Variants in GTPBP4 observed in about 807,000 individuals in gnomAD.
GTPBP4 encodes GTP binding protein 4, also known as GTP-binding protein 4.
In GTPBP4, 15 loss-of-function variants were observed where a neutral mutation model predicts 81.7. That is an observed-to-expected ratio of 0.18 (90% CI 0.12 to 0.28). GTPBP4 has a LOEUF of 0.28. GTPBP4 is among the 10% of genes least tolerant of loss of function. The probability of loss-of-function intolerance (pLI) is 1.00; values close to 1 mark genes in which losing one functional copy is unlikely to be tolerated. For synonymous variants in GTPBP4, 272 were observed against 274.6 expected (o/e 0.99, Z 0.09); for missense variants, 847 against 793.8 (o/e 1.07, Z -0.81).
chr10:996,370 T>C, intron 4 of GTPBP4, 128 bp downstream of exon 4: 2 of 700,554 alleles, frequency 2.9e-6, no homozygotes, highest in South Asian at 5.1e-5. Context: ...TTCCTAGCTT[T>C]ACCTATGAGA....
Position 1,000,717 on chromosome 10 carries a change from A to G in GTPBP4, c.695A>G (p.Asp232Gly). ...GGGATCCTGGACCACCCTCTGGAGG[A>G]TAGGAACACCATCGAGATGCAGGCC... Reference protein sequence around the residue: ...TPGILDHPLEDRNTIEMQAIT... With the variant: ...TPGILDHPLEGRNTIEMQAIT... Residue 232 changes from aspartate to glycine, a missense_variant, in exon 7 of 17, where the codon GAT (aspartate) becomes GGT (glycine). Coordinates refer to ENST00000360803, the MANE Select transcript of GTPBP4 (RefSeq NM_012341.3). 2 of 1,569,054 alleles carry G rather than the reference A, an allele frequency of 1.3e-6. No homozygotes were observed. The highest frequency in any genetic ancestry group is 1.9e-5 in the Admixed American group (1 of 53,800).
At chr10:1,015,222 A>G (rs1831953923) in intron 15 of GTPBP4, among the ~76,000 whole-genome samples, 1 of 152,258 alleles carries the variant, frequency 6.6e-6, no homozygotes, top group Admixed American at 6.5e-5. Context: ...AATTGTTACT[A>G]ATGTGAACTT....
At chr10:991,392 C>T (rs918907229) in intron 1 of GTPBP4, among the ~76,000 whole-genome samples, 3 of 152,192 alleles carry the variant, frequency 2.0e-5, no homozygotes, top group East Asian at 1.9e-4. Flanking sequence ...TCCTGGGGAT[C>T]GGATCCTTAT....
intron 2 of GTPBP4, 133 bp downstream of exon 2, chr10:992,792 G>A: frequency 1.7e-6 from 1 of 586,424 alleles, no homozygotes; most frequent in Non-Finnish European, 3.0e-6. Flanking sequence ...GTAAGTTAGT[G>A]GCAAAGAACT....
chr10:1,012,097 G>A (rs1270644385), intron 13 of GTPBP4, among the ~76,000 whole-genome samples: 1 of 152,224 alleles, frequency 6.6e-6, no homozygotes, highest in African/African-American at 2.4e-5. Context: ...GAACGGACAC[G>A]TGGGATGTGG....
At chr10:993,060 G>T (rs779573584) in intron 2 of GTPBP4, among the ~76,000 whole-genome samples, 1 of 151,872 alleles carries the variant, frequency 6.6e-6, no homozygotes, top group South Asian at 2.1e-4. Flanking sequence ...TTTCCTCTGG[G>T]CTCAGCTTGG....
At chr10:1,010,631 C>T (rs1221564838) in intron 13 of GTPBP4, 111 bp downstream of exon 13, 25 of 726,646 alleles carry the variant, frequency 3.4e-5, no homozygotes, top group African/African-American at 1.1e-4. Context: ...TCATTCTGCA[C>T]CCCTCCATCC....
chr10:1,009,501 C>G, intron 11 of GTPBP4, 28 bp from the exon 12 acceptor site: 2 of 1,521,758 alleles, frequency 1.3e-6, no homozygotes, highest in Non-Finnish European at 1.8e-6. Context: ...CAAAATGAAG[C>G]TGATGATAAT....
chr10:995,547 G>T (rs7900801), intron 2 of GTPBP4, among the ~76,000 whole-genome samples: 75,970 of 151,812 alleles, frequency 0.5, 19,321 homozygotes, highest in South Asian at 0.6. Flanking sequence ...GGGAATTTTT[G>T]ATTTTTTTTC....
Position 1,019,229 on chromosome 10 carries a change from T to A in GTPBP4, c.*2002T>A. ...GACTCTCAAGATCTCCCCAAGACTT[T>A]CAGGATCAGCTGCTGTTAATCAAAC... On this transcript the variant is annotated 3_prime_UTR_variant, in exon 17 of 17. Coordinates refer to ENST00000360803, the MANE Select transcript of GTPBP4 (RefSeq NM_012341.3). The A allele has an allele frequency of 3.1e-6, 1 of 324,846 alleles. No individual in the cohort carries two copies. Among genetic ancestry groups the A allele is most frequent in the Non-Finnish European group, 5.8e-6 (1 of 172,652 alleles). The allele number at this position is 324,846 out of a possible 1,614,324, so 20.1% of individuals were successfully genotyped here. A position where few individuals can be genotyped will look rare whatever the true frequency, so the allele number is the denominator to read the frequency against.
At chr10:1,007,780 G>A (rs564989131) in intron 10 of GTPBP4, 13 of 429,762 alleles carry the variant, frequency 3.0e-5, no homozygotes, top group Admixed American at 8.7e-5. Context: ...TGTCCTCGGC[G>A]TGGTCGGGCA....
Position 1,012,565 on chromosome 10 carries a change from A to T in GTPBP4, c.1445A>T (p.Gln482Leu), listed in dbSNP as rs757062874. ...GACGAAGAGATGCTGGAAATCCGAC[A>T]GCTGGCAAAGCAAATTCGAGAGAAA... ...SEDEEMLEIR[Q>L]LAKQIREKKK... The change falls in exon 14 of 17, where the codon CAG becomes CTG. Residue 482 changes from glutamine to leucine, a missense_variant. Coordinates refer to ENST00000360803, the MANE Select transcript of GTPBP4 (RefSeq NM_012341.3). 10 of 1,613,748 alleles carry T rather than the reference A, an allele frequency of 6.2e-6. No individual in the cohort carries two copies. The highest frequency in any genetic ancestry group is 8.5e-6 in the Non-Finnish European group (10 of 1,179,718).
At position 988,446 on chromosome 10, in the gene GTPBP4, A is replaced by G. The variant is rs1564463841; in HGVS notation, c.-34A>G. On this transcript the variant is annotated 5_prime_UTR_variant, in exon 1 of 17. Transcript: ENST00000360803. ...TGCGCCCGACGGCGGAAGTTCCGGG[A>G]GTGCCAAGTACCCGCGTGCATACGG... 1.3e-6 allele frequency: 2 copies of G among 1,599,266 alleles called. No individual in the cohort carries two copies. The highest frequency in any genetic ancestry group is 1.7e-6 in the Non-Finnish European group (2 of 1,167,264).
Position 1,007,009 on chromosome 10 carries a change from C to T in GTPBP4, c.1003-9C>T, listed in dbSNP as rs763125185. ...GTTTGTGACTGTGCCTTCTTTTTTA[C>T]GTTATTAGGCTTGCGATAGGCTTTT... On this transcript the variant is annotated splice_polypyrimidine_tract_variant and intron_variant, in intron 9 of 16. Coordinates refer to ENST00000360803, the MANE Select transcript of GTPBP4 (RefSeq NM_012341.3). 19 of 1,571,246 alleles carry T rather than the reference C, an allele frequency of 1.2e-5. No individual in the cohort carries two copies. Among genetic ancestry groups the T allele is most frequent in the South Asian group, 8.9e-5 (8 of 90,128 alleles).
chr10:1,014,267 GA>G lies in GTPBP4; in HGVS notation c.1565del (p.Lys522ArgfsTer65). On this transcript the variant is annotated frameshift_variant, in exon 15 of 17. Transcript: ENST00000360803. LOFTEE classifies it high-confidence loss of function. ...AKKVQRTVLE[K>X]EMRSLGVDMD... ...CTCAGGTTCAGAGGACAGTTTTGGA[GA>G]AGGAGATGCGTAGTCTTGGTGTTGA... 6.2e-7 allele frequency: 1 copy of G among 1,606,446 alleles called. No individual in the cohort carries two copies. The highest frequency in any genetic ancestry group is 8.5e-7 in the Non-Finnish European group (1 of 1,173,216).
At chr10:1,010,741 TCCA>T (rs920013096) in intron 13 of GTPBP4, among the ~76,000 whole-genome samples, 1 of 40,166 alleles carries the variant, frequency 2.5e-5, no homozygotes, top group Non-Finnish European at 5.0e-5. Context: ...TCCCGCCGCC[TCCA>T]CCCACCCACC....
chr10:1,005,433 C>G (rs1030252852), intron 8 of GTPBP4, among the ~76,000 whole-genome samples: 2 of 152,162 alleles, frequency 1.3e-5, no homozygotes, highest in African/African-American at 4.8e-5. Context: ...CATGAGCCAC[C>G]GCGCCTGGCC....
At chr10:1,010,024 TG>T (rs531909884) in intron 12 of GTPBP4, among the ~76,000 whole-genome samples, 1 of 152,090 alleles carries the variant, frequency 6.6e-6, no homozygotes, top group South Asian at 2.1e-4. Flanking sequence ...TAGCACTCAG[TG>T]GGGGTTCTTC....
At chr10:996,938 G>GC (rs1349339414) in intron 4 of GTPBP4, 2 of 424,464 alleles carry the variant, frequency 4.7e-6, no homozygotes, top group Admixed American at 4.2e-5. Context: ...CATGCTGTTG[G>GC]CCCCACCTGT....
Sources: gnomAD v4.1 joint callset for allele counts (sites outside exome capture counted in the v4.1 genomes callset) on GRCh38, gnomAD v4.1.1 for gene constraint, MANE v1.5 for transcripts, NCBI Gene and HGNC (gene_info 2026-07-23, HGNC 2026-07-21) for gene names.